Variants in ZNF16 observed in about 807,000 individuals in gnomAD.
ZNF16 encodes zinc finger protein KOX9.
In ZNF16, 7 loss-of-function variants were observed where a neutral mutation model predicts 9.0. The ratio of observed to expected loss-of-function variants is 0.78; its 90% CI spans 0.44 to 1.47. ZNF16 has a LOEUF of 1.47. Ranked by LOEUF, ZNF16 falls within the 40% of genes most tolerant of loss-of-function variation. The pLI, the probability that ZNF16 is intolerant of heterozygous loss-of-function variation, is 0.01. For synonymous variants in ZNF16, 312 were observed against 301.5 expected (o/e 1.03, Z -0.36); for missense variants, 830 against 854.2 (o/e 0.97, Z 0.35).
Position 144,931,132 on chromosome 8 carries a change from T to C in ZNF16, c.1655A>G (p.Lys552Arg). ...GAGGGTTGAGCTCTGGCTGAAGGTT[T>C]TTCCACATTCAGTACATTCATAGGG... The part of the protein sequence containing the change: ...EKPYECTECG[K>R]TFSQSSTLIQ... Residue 552 changes from lysine to arginine, a missense_variant, in exon 3 of 3, where the codon AAA (lysine) becomes AGA (arginine). Coordinates refer to ENST00000394909, the MANE Select transcript of ZNF16 (RefSeq NM_006958.3). 1 of 1,614,254 alleles carries C rather than the reference T, an allele frequency of 6.2e-7. No individual in the cohort carries two copies. The highest frequency in any genetic ancestry group is 8.5e-7 in the Non-Finnish European group (1 of 1,180,048).
At chr8:144,942,190 G>A (rs1317848768) in intron 2 of ZNF16, among the ~76,000 whole-genome samples, 1 of 149,944 alleles carries the variant, frequency 6.7e-6, no homozygotes, top group Admixed American at 6.7e-5. Flanking sequence ...GTGTTAGCCG[G>A]GATGGTCTCA....
Position 144,943,875 on chromosome 8 carries a change from T to C in ZNF16, c.196+2136A>G, listed in dbSNP as rs567358523. Among the ~76,000 whole-genome samples the C allele has an allele frequency of 3.3e-5, 5 of 152,304 alleles. No individual in the cohort carries two copies. In the South Asian group the frequency reaches 1.0e-3, roughly 32 times the overall value. On this transcript the variant is annotated intron_variant, in intron 2 of 2. Coordinates refer to ENST00000394909, the MANE Select transcript of ZNF16 (RefSeq NM_006958.3). ...TCCTCAGACTGAATGATTTCAATTA[T>C]CCTATCTTCAAGTTGCCGATTTTTC...
intron 2 of ZNF16, among the ~76,000 whole-genome samples, chr8:144,940,751 C>T (rs1586954594): frequency 6.6e-6 from 1 of 152,184 alleles, no homozygotes; most frequent in East Asian, 1.9e-4. Context: ...AATTTATAAA[C>T]AACAGAAATT....
At chr8:144,949,755 A>AGCCACAGGGACTTCTGCCTT (rs1416358402) in intron 1 of ZNF16, among the ~76,000 whole-genome samples, 1 of 152,230 alleles carries the variant, frequency 6.6e-6, no homozygotes, top group African/African-American at 2.4e-5. Context: ...CTCTGCGATA[A>AGCCACAGGGACTTCTGCCTT]GCCACAGGGA....
At chr8:144,943,987 T>C (rs1345406003) in intron 2 of ZNF16, 1 of 152,160 alleles carries the variant, frequency 6.6e-6, no homozygotes, top group Non-Finnish European at 1.5e-5. Context: ...CTTTTACAAT[T>C]TGTATTTCTT....
chr8:144,943,785 G>A (rs951494039), intron 2 of ZNF16, among the ~76,000 whole-genome samples: 2 of 152,124 alleles, frequency 1.3e-5, no homozygotes, highest in African/African-American at 4.8e-5. Flanking sequence ...CTCCCAAAGT[G>A]CTGGGATGAC....
At chr8:144,934,785 G>A (rs776189063) in intron 2 of ZNF16, among the ~76,000 whole-genome samples, 2 of 152,232 alleles carry the variant, frequency 1.3e-5, no homozygotes, top group African/African-American at 2.4e-5. Flanking sequence ...TCTGTGAAGG[G>A]TCAGAGAGGA....
intron 1 of ZNF16, among the ~76,000 whole-genome samples, chr8:144,950,058 G>A (rs1834063119): frequency 6.6e-6 from 1 of 152,230 alleles, no homozygotes; most frequent in South Asian, 2.1e-4. Context: ...AGACATGTTG[G>A]CAGCAATGCT....
intron 2 of ZNF16, among the ~76,000 whole-genome samples, chr8:144,941,435 T>C (rs772603242): frequency 2.6e-5 from 4 of 152,218 alleles, no homozygotes; most frequent in Non-Finnish European, 5.9e-5. Context: ...TCTTTGAATC[T>C]AAAGCCTCTT....
intron 2 of ZNF16, among the ~76,000 whole-genome samples, chr8:144,937,312 T>A (rs1833709784): frequency 6.6e-6 from 1 of 151,770 alleles, no homozygotes; most frequent in Non-Finnish European, 1.5e-5. Flanking sequence ...ATTTTTGTAG[T>A]TTTAGTAGAG....
rs115806049 is a variant in ZNF16 at position 144,936,418 on chromosome 8, A to G, written c.197-3828T>C. ...TGAGTATGTGTCTTCAATTATCTTG[A>G]GTATATATCTAGGAGTAGTACTATG... On this transcript the variant is annotated intron_variant, in intron 2 of 2. Transcript: ENST00000394909. Among the ~76,000 whole-genome samples the G allele has an allele frequency of 4.1e-3, 622 of 152,288 alleles. 3 individuals carry two copies. The highest frequency in any genetic ancestry group is 0.014 in the African/African-American group (591 of 41,554).
At chr8:144,949,814 T>C (rs375709056) in intron 1 of ZNF16, among the ~76,000 whole-genome samples, 1 of 152,176 alleles carries the variant, frequency 6.6e-6, no homozygotes, top group Non-Finnish European at 1.5e-5. Context: ...CCCCATGTGA[T>C]AGTCTGAAAT....
chr8:144,950,451 G>A (rs1834082708), intron 1 of ZNF16: 1 of 152,170 alleles, frequency 6.6e-6, no homozygotes, highest in Non-Finnish European at 1.5e-5. Flanking sequence ...CCTTCACCCC[G>A]TCGCTCCGCC....
intron 1 of ZNF16, among the ~76,000 whole-genome samples, chr8:144,950,029 T>A (rs77286939): frequency 2.0e-5 from 3 of 151,770 alleles, no homozygotes; most frequent in Non-Finnish European, 4.4e-5. Context: ...GGAGAAAAAC[T>A]GCCCTATGGT....
intron 1 of ZNF16, among the ~76,000 whole-genome samples, chr8:144,949,611 CAT>C (rs1834043847): frequency 6.6e-6 from 1 of 152,224 alleles, no homozygotes; most frequent in African/African-American, 2.4e-5. Flanking sequence ...CTCACAAAAA[CAT>C]GTGTTGTATG....
chr8:144,931,455 C>T lies in ZNF16; in HGVS notation c.1332G>A (p.Gln444=), dbSNP rs1267246558. 6.2e-7 allele frequency: 1 copy of T among 1,614,162 alleles called. No individual in the cohort carries two copies. The highest frequency in any genetic ancestry group is 2.2e-5 in the East Asian group (1 of 44,882). Residue 444 remains glutamine (Q), a synonymous_variant, in exon 3 of 3, where the codon CAG becomes CAA. Coordinates refer to ENST00000394909, the MANE Select transcript of ZNF16 (RefSeq NM_006958.3). ...KCSDCGKAFS[Q]SSSLIQHRRI... ...TCCGATGCTGAATAAGGCTGGAGCT[C>T]TGACTAAATGCTTTCCCACAGTCAC...
chr8:144,950,118 T>G (rs945855077), intron 1 of ZNF16, among the ~76,000 whole-genome samples: 28 of 151,580 alleles, frequency 1.8e-4, no homozygotes, highest in African/African-American at 6.5e-4. Context: ...GAGAAACAAA[T>G]CTGGCCTACG....
chr8:144,942,252 A>G (rs575049180), intron 2 of ZNF16, among the ~76,000 whole-genome samples: 7 of 151,200 alleles, frequency 4.6e-5, no homozygotes, highest in Admixed American at 6.6e-5. Context: ...TGCTGGGATT[A>G]CAGGCATGAG....
chr8:144,932,360 G>A lies in ZNF16; in HGVS notation c.427C>T (p.Leu143Phe). ...TTCTCCCCTAAGGGGCCCCTAAGGA[G>A]CCCCATGGCAGCTGGTGTGAAGTCC... ...EGDFTPAAMG[L>F]LRGPLGEKDL... The change falls in exon 3 of 3, where the codon CTC becomes TTC. Residue 143 changes from leucine to phenylalanine, a missense_variant. By Grantham distance (22) the Leu-to-Phe change is conservative. Transcript: ENST00000394909. This position sits in a 1 kb window ranked among gnomAD's most constrained non-coding sequence, Gnocchi z 5.0. The A allele has an allele frequency of 4.3e-6, 7 of 1,614,174 alleles. No homozygotes were observed. The highest frequency in any genetic ancestry group is 5.9e-6 in the Non-Finnish European group (7 of 1,180,028).
Sources: allele counts gnomAD v4.1 joint callset (sites outside exome capture counted in the v4.1 genomes callset), GRCh38; gene constraint gnomAD v4.1.1; non-coding constraint Gnocchi (gnomAD v3.1); transcripts MANE v1.5; gene names NCBI Gene and HGNC (gene_info 2026-07-23, HGNC 2026-07-21).